The following ESRRG variants were observed in gnomAD, a reference collection of about 807,000 sequenced individuals.
ESRRG encodes the protein estrogen-related receptor gamma.
Under a neutral mutation model 44.0 loss-of-function variants are expected in ESRRG, and 13 were observed. The observed-to-expected ratio is 0.30, with a 90% confidence interval of 0.19 to 0.47. ESRRG has a LOEUF of 0.47. Among genes scored for constraint, ESRRG ranks in the 20% least tolerant of loss-of-function variants. ESRRG has a pLI of 1.00. For missense variants in ESRRG, 395 were observed against 580.6 expected (o/e 0.68, Z 3.29); for synonymous variants, 215 against 214.6 (o/e 1.00, Z -0.02).
intron 1 of ESRRG, among the ~76,000 whole-genome samples, chr1:217,012,759 T>C (rs542399489): frequency 6.6e-6 from 1 of 152,286 alleles, no homozygotes; most frequent in African/African-American, 2.4e-5. Flanking sequence ...CCCTGCTCCT[T>C]TTTTTTCTGA....
rs1375431216 is a variant in ESRRG at position 216,504,748 on chromosome 1, T to C, written c.*2191A>G. The C allele has an allele frequency of 6.5e-6, 1 of 152,672 alleles. No individual in the cohort carries two copies. Among genetic ancestry groups the C allele is most frequent in the East Asian group, 1.9e-4 (1 of 5,200 alleles). The allele number at this position is 152,672 out of a possible 1,614,324, so 9.5% of individuals were successfully genotyped here. Reference sequence around the variant, plus strand: ...AATATTCAAAGTTTTATTTCTAAGCTATACATTGGTATTCTATAATAAACC... The same window carrying C: ...AATATTCAAAGTTTTATTTCTAAGCCATACATTGGTATTCTATAATAAACC... On this transcript the variant is annotated 3_prime_UTR_variant, in exon 7 of 7. Transcript: ENST00000408911.
intron 1 of ESRRG, chr1:217,076,924 T>G (rs926261238): frequency 1.3e-5 from 2 of 151,772 alleles, no homozygotes; most frequent in Admixed American, 1.3e-4. Flanking sequence ...AAGCACAGAG[T>G]GGGACCTGCC....
intron 5 of ESRRG, among the ~76,000 whole-genome samples, chr1:216,545,353 G>GCTC (rs1165936688): frequency 6.6e-6 from 1 of 151,378 alleles, no homozygotes; most frequent in Non-Finnish European, 1.5e-5. Context: ...CTTAGCCACT[G>GCTC]TACCTGGCCT....
chr1:216,699,565 C>G (rs1400812706), intron 1 of ESRRG, among the ~76,000 whole-genome samples: 1 of 152,118 alleles, frequency 6.6e-6, no homozygotes, highest in Non-Finnish European at 1.5e-5. Context: ...TGATAAGTGG[C>G]TCATTCCAAT....
intron 2 of ESRRG, among the ~76,000 whole-genome samples, chr1:216,658,681 A>C (rs2071315851): frequency 6.6e-6 from 1 of 151,612 alleles, no homozygotes; most frequent in Non-Finnish European, 1.5e-5. Context: ...AAAAAAAAAA[A>C]AAATAGCCAG....
chr1:216,513,829 A>G (rs1418955232), intron 6 of ESRRG, among the ~76,000 whole-genome samples: 3 of 152,174 alleles, frequency 2.0e-5, no homozygotes, highest in East Asian at 1.9e-4. Flanking sequence ...AGTCATAAAG[A>G]CAATTATAGT....
At chr1:217,125,726 T>C (rs1028236870) in intron 1 of ESRRG, among the ~76,000 whole-genome samples, 1 of 152,242 alleles carries the variant, frequency 6.6e-6, no homozygotes, top group African/African-American at 2.4e-5. Context: ...TTTGAATCTA[T>C]TTAAATCCCA....
chr1:216,933,452 G>A (rs956671060), intron 2 of ESRRG, among the ~76,000 whole-genome samples: 5 of 151,468 alleles, frequency 3.3e-5, no homozygotes, highest in Admixed American at 3.3e-4. Context: ...AAAAAAATTC[G>A]TTTGAAAATT....
intron 5 of ESRRG, among the ~76,000 whole-genome samples, chr1:216,538,285 T>C (rs2051610624): frequency 6.6e-6 from 1 of 151,884 alleles, no homozygotes; most frequent in African/African-American, 2.4e-5. Context: ...TGCCCAGAAC[T>C]TGGAAGGTCT....
At chr1:216,811,329 A>G (rs1297422850) in intron 2 of ESRRG, among the ~76,000 whole-genome samples, 1 of 152,148 alleles carries the variant, frequency 6.6e-6, no homozygotes, top group African/African-American at 2.4e-5. Flanking sequence ...GTAATGGGCT[A>G]CAGCACACTA....
intron 2 of ESRRG, among the ~76,000 whole-genome samples, chr1:216,810,309 A>T (rs1202979989): frequency 6.6e-6 from 1 of 152,100 alleles, no homozygotes; most frequent in Non-Finnish European, 1.5e-5. Flanking sequence ...CAACCTGCTT[A>T]TCTATGTTCA....
At chr1:217,104,585 T>C (rs73103066) in intron 1 of ESRRG, among the ~76,000 whole-genome samples, 4,704 of 152,136 alleles carry the variant, frequency 0.031, 244 homozygotes, top group African/African-American at 0.11. Flanking sequence ...TTTTAAAGGA[T>C]GATGGGGTAA....
chr1:217,019,524 A>C (rs895442099), intron 1 of ESRRG, among the ~76,000 whole-genome samples: 2 of 152,224 alleles, frequency 1.3e-5, no homozygotes, highest in Non-Finnish European at 2.9e-5. Context: ...GTGCAAGGAT[A>C]GTCTTGACAG....
chr1:216,681,091 T>C (rs543711590), intron 1 of ESRRG, among the ~76,000 whole-genome samples: 14 of 152,308 alleles, frequency 9.2e-5, no homozygotes, highest in African/African-American at 3.4e-4. Flanking sequence ...ATAACATGTG[T>C]CGAAATATGT....
intron 1 of ESRRG, among the ~76,000 whole-genome samples, chr1:216,978,243 T>C (rs2073327457): frequency 6.6e-6 from 1 of 152,098 alleles, no homozygotes; most frequent in Non-Finnish European, 1.5e-5. Context: ...AAAAAAAAGT[T>C]TTATTGGGAC....
chr1:217,100,933 G>T (rs941490021), intron 1 of ESRRG, among the ~76,000 whole-genome samples: 3 of 152,188 alleles, frequency 2.0e-5, no homozygotes, highest in Non-Finnish European at 4.4e-5. Context: ...TATATCATTA[G>T]TCTTCCTCTA....
chr1:216,673,268 C>T (rs1357526505), intron 2 of ESRRG, among the ~76,000 whole-genome samples: 2 of 152,218 alleles, frequency 1.3e-5, no homozygotes, highest in Admixed American at 6.5e-5. Flanking sequence ...AAGGAGGGGC[C>T]GTTCCAATCT....
chr1:216,682,564 G>C (rs968445839), intron 1 of ESRRG, among the ~76,000 whole-genome samples: 3 of 152,120 alleles, frequency 2.0e-5, no homozygotes, highest in African/African-American at 7.2e-5. Context: ...AGAAAAGAAG[G>C]TTATCAAGTC....
intron 3 of ESRRG, among the ~76,000 whole-genome samples, chr1:216,576,685 G>A (rs147154269): frequency 1.3e-5 from 2 of 152,124 alleles, no homozygotes; most frequent in African/African-American, 4.8e-5. Context: ...AATCTGCACT[G>A]GAGCTGAGAT....
Sources: allele counts gnomAD v4.1 joint callset (sites outside exome capture counted in the v4.1 genomes callset), GRCh38; gene constraint gnomAD v4.1.1; transcripts MANE v1.5; gene names NCBI Gene and HGNC (gene_info 2026-07-23, HGNC 2026-07-21).